Variants in PMP22 observed in about 807,000 individuals in gnomAD.
PMP22 encodes Charcot-Marie-Tooth neuropathy 1A (greatly reduced nerve conduction velocity, hereditary motor sensory neuropathy Ia).
In PMP22, 2 loss-of-function variants were observed where a neutral mutation model predicts 18.9. The ratio of observed to expected loss-of-function variants is 0.11; its 90% CI spans 0.04 to 0.33. The LOEUF (loss-of-function observed/expected upper bound fraction) is 0.33. PMP22 is among the 10% of genes least tolerant of loss of function. The pLI, the probability that PMP22 is intolerant of heterozygous loss-of-function variation, is 1.00. For synonymous variants in PMP22, 95 were observed against 89.2 expected (o/e 1.07, Z -0.37); for missense variants, 169 against 202.2 (o/e 0.84, Z 1.00).
rs1909058629 is a variant in PMP22, at chr17:15,258,888, T to C, written c.178+206A>G. On this transcript the variant is annotated intron_variant, in intron 3 of 4. Transcript: ENST00000312280. This position sits in a 1 kb window ranked among gnomAD's most constrained non-coding sequence, Gnocchi z 4.1. ...AGGGCATGTCTCTAGGTAGAGTGAATCACAATGATGCCCAGGATCTCAGCT... is the reference window on the plus strand; with the variant it reads ...AGGGCATGTCTCTAGGTAGAGTGAACCACAATGATGCCCAGGATCTCAGCT... The C allele has an allele frequency of 1.6e-6, 1 of 641,816 alleles. No homozygotes were observed. The allele number at this position is 641,816 out of a possible 1,614,324, so 39.8% of individuals were successfully genotyped here.
At chr17:15,236,622 T>C (rs1411907620) in intron 4 of PMP22, among the ~76,000 whole-genome samples, 1 of 152,198 alleles carries the variant, frequency 6.6e-6, no homozygotes, top group African/African-American at 2.4e-5. Flanking sequence ...TGTTAAGTTG[T>C]CACTTGCCAG....
At chr17:15,253,126 C>T (rs1258876054) in intron 3 of PMP22, among the ~76,000 whole-genome samples, 1 of 152,148 alleles carries the variant, frequency 6.6e-6, no homozygotes. Flanking sequence ...GGGGAGGAGG[C>T]TTGGCACACC....
intron 1 of PMP22, chr17:15,262,427 A>G (rs111410548): frequency 9.9e-5 from 15 of 152,284 alleles, no homozygotes; most frequent in Admixed American, 7.8e-4. Context: ...CAAATCACTT[A>G]CAGCCCAAAG....
intron 4 of PMP22, among the ~76,000 whole-genome samples, chr17:15,237,045 G>C (rs1906875578): frequency 6.6e-6 from 1 of 152,212 alleles, no homozygotes; most frequent in Non-Finnish European, 1.5e-5. Flanking sequence ...GACGTAAGCA[G>C]CTAGATGTAA....
At position 15,230,045 on chromosome 17, in the gene PMP22, T is replaced by C. The variant is rs1906174348; in HGVS notation, c.*872A>G. On this transcript the variant is annotated 3_prime_UTR_variant, in exon 5 of 5. Transcript: ENST00000312280. ...TCCGACCGTAAGAAAAATGTGGGAG[T>C]GATGAAGGCTTTATGATTTACTCAT... 1 of 152,294 alleles carries C rather than the reference T, an allele frequency of 6.6e-6. No individual in the cohort carries two copies. The highest frequency in any genetic ancestry group is 6.6e-5 in the Admixed American group (1 of 15,240). 9.4% of individuals were successfully genotyped at this position (152,294 alleles called of 1,614,324 possible).
At chr17:15,235,083 G>A (rs533449461) in intron 4 of PMP22, 2 of 624,850 alleles carry the variant, frequency 3.2e-6, no homozygotes, top group African/African-American at 1.8e-5. Flanking sequence ...GTCTTTCAAA[G>A]TGTTGGGATT....
At chr17:15,260,853 C>T (rs1909271862) in intron 1 of PMP22, 92 bp from the exon 2 acceptor site, 2 of 899,752 alleles carry the variant, frequency 2.2e-6, no homozygotes, top group East Asian at 2.7e-5. Flanking sequence ...TAGCGGAAGG[C>T]CCGGCCTGGC....
chr17:15,242,981 A>G (rs1326085938), intron 3 of PMP22, among the ~76,000 whole-genome samples: 4 of 152,210 alleles, frequency 2.6e-5, no homozygotes, highest in African/African-American at 4.8e-5. Flanking sequence ...AAACTTCTTC[A>G]GCAAGGAATT....
intron 4 of PMP22, among the ~76,000 whole-genome samples, chr17:15,233,130 T>C (rs1360944623): frequency 1.3e-5 from 2 of 152,222 alleles, no homozygotes; most frequent in African/African-American, 4.8e-5. Context: ...AGACAGTTAA[T>C]GTCATCCAGT....
At chr17:15,254,276 T>C (rs567085141) in intron 3 of PMP22, among the ~76,000 whole-genome samples, 2 of 152,184 alleles carry the variant, frequency 1.3e-5, no homozygotes, top group South Asian at 4.2e-4. Flanking sequence ...ATATGAAAAA[T>C]GAGTCACAGA....
At chr17:15,247,808 G>C (rs1031074858) in intron 3 of PMP22, among the ~76,000 whole-genome samples, 12 of 152,182 alleles carry the variant, frequency 7.9e-5, no homozygotes, top group Non-Finnish European at 1.6e-4. Flanking sequence ...AAGGACAGTT[G>C]CAAGAGTCAG....
chr17:15,259,044 G>T, intron 3 of PMP22, 50 bp downstream of exon 3: 1 of 1,315,888 alleles, frequency 7.6e-7, no homozygotes, highest in Non-Finnish European at 1.1e-6. Flanking sequence ...GCTGAGAAAC[G>T]TGTTACAGGC....
rs1420351626 is a variant in PMP22 at position 15,258,293 on chromosome 17, G to A, written c.178+801C>T. Reference sequence around the variant, plus strand: ...AACATCAATCGCTATGGCCTACCCAGCCACCAAAACAGCTCATCCTGTTTA... The same window carrying A: ...AACATCAATCGCTATGGCCTACCCAACCACCAAAACAGCTCATCCTGTTTA... On this transcript the variant is annotated intron_variant, in intron 3 of 4. Transcript: ENST00000312280. The surrounding 1 kb of genome is among the most constrained non-coding windows in gnomAD (Gnocchi z 4.1). 6.6e-6 allele frequency among the ~76,000 whole-genome samples: 1 copy of A among 152,096 alleles called. No individual in the cohort carries two copies. The highest frequency in any genetic ancestry group is 1.5e-5 in the Non-Finnish European group (1 of 68,028).
chr17:15,244,598 G>T (rs2150684653), intron 3 of PMP22, among the ~76,000 whole-genome samples: 1 of 152,192 alleles, frequency 6.6e-6, no homozygotes, highest in East Asian at 1.9e-4. Context: ...GAAATATTTT[G>T]CAGCAGTTAA....
intron 4 of PMP22, among the ~76,000 whole-genome samples, chr17:15,233,374 T>C (rs1034169504): frequency 3.3e-5 from 5 of 152,350 alleles, no homozygotes; most frequent in Non-Finnish European, 5.9e-5. Context: ...ACAATACAAA[T>C]GTGCTGAGCA....
chr17:15,261,064 C>G lies in PMP22; in HGVS notation c.-34-303G>C, dbSNP rs988076816. ...AACCACCCAGGGAACGGAGGGGTTT[C>G]CAGAAAATATGAGCAGAGGCCACTG... On this transcript the variant is annotated intron_variant, in intron 1 of 4. Coordinates refer to ENST00000312280, the MANE Select transcript of PMP22 (RefSeq NM_000304.4). The surrounding 1 kb of genome is among the most constrained non-coding windows in gnomAD (Gnocchi z 5.2). 9 of 182,388 alleles carry G rather than the reference C, an allele frequency of 4.9e-5. No individual in the cohort carries two copies. The highest frequency in any genetic ancestry group is 9.5e-5 in the African/African-American group (4 of 42,196). 11.3% of individuals were successfully genotyped at this position (182,388 alleles called of 1,614,324 possible).
At position 15,239,568 on chromosome 17, in the gene PMP22, G is replaced by C; in HGVS notation, c.222C>G (p.Ile74Met). 6.2e-7 allele frequency: 1 copy of C among 1,613,918 alleles called. No homozygotes were observed. The highest frequency in any genetic ancestry group is 8.5e-7 in the Non-Finnish European group (1 of 1,179,784). The change falls in exon 4 of 5, where the codon ATC becomes ATG. Residue 74 changes from isoleucine to methionine, a missense_variant. Ile to Met is a conservative substitution (Grantham distance 10). Coordinates refer to ENST00000312280, the MANE Select transcript of PMP22 (RefSeq NM_000304.4). Reference protein sequence around the residue: ...SVQATMILSIIFSILSLFLFF... With the variant: ...SVQATMILSIMFSILSLFLFF... ...ACAGGAACAGAGACAGAATGCTGAA[G>C]ATGATCGACAGGATCATGGTGGCCT...
chr17:15,234,925 T>C (rs1482284379), intron 4 of PMP22, among the ~76,000 whole-genome samples: 2 of 151,906 alleles, frequency 1.3e-5, no homozygotes, highest in Non-Finnish European at 2.9e-5. Context: ...CAAGCAATCC[T>C]CCTGCCTCAG....
chr17:15,252,943 C>G (rs1001399548), intron 3 of PMP22, among the ~76,000 whole-genome samples: 1 of 152,184 alleles, frequency 6.6e-6, no homozygotes, highest in African/African-American at 2.4e-5. Context: ...TTCTGCTACA[C>G]GTCAGGTCCA....
Sources: gnomAD v4.1 joint callset for allele counts (sites outside exome capture counted in the v4.1 genomes callset) on GRCh38, gnomAD v4.1.1 for gene constraint, Gnocchi (gnomAD v3.1) non-coding constraint, MANE v1.5 for transcripts, NCBI Gene and HGNC (gene_info 2026-07-23, HGNC 2026-07-21) for gene names.